Variants in RDH11 observed in about 807,000 individuals in gnomAD.
RDH11 encodes HCV core-binding protein HCBP12.
A neutral mutation model predicts 33.4 loss-of-function variants in RDH11; 19 were observed. The ratio of observed to expected loss-of-function variants is 0.57; its 90% CI spans 0.40 to 0.83. RDH11 has a LOEUF of 0.83. Among genes scored for constraint, RDH11 ranks in the 40% least tolerant of loss-of-function variants. The pLI is 0.00. For missense variants in RDH11, 353 were observed against 389.0 expected (o/e 0.91, Z 0.78); for synonymous variants, 154 against 155.3 (o/e 0.99, Z 0.06).
chr14:67,687,999 C>T (rs964535343), intron 5 of RDH11, among the ~76,000 whole-genome samples: 1 of 152,092 alleles, frequency 6.6e-6, no homozygotes, highest in African/African-American at 2.4e-5. Flanking sequence ...TCTCGAACTC[C>T]TGACCTCAGG....
At chr14:67,692,627 C>T (rs780543430) in intron 2 of RDH11, 34 bp from the exon 3 acceptor site, 6 of 1,517,378 alleles carry the variant, frequency 4.0e-6, no homozygotes, top group Non-Finnish European at 5.3e-6. Context: ...AAATGGTCAG[C>T]TCTGTTTTTG....
Position 67,678,264 on chromosome 14 carries a change from C to G in RDH11, c.*57G>C. ...AAACCTTGAAGGAGAATCATTTTGA[C>G]AAGAAGTACTGTGTAGTCTGCTGCA... On this transcript the variant is annotated 3_prime_UTR_variant, in exon 7 of 7. Transcript: ENST00000381346. The G allele has an allele frequency of 8.9e-7, 1 of 1,117,954 alleles. No individual in the cohort carries two copies. The highest frequency in any genetic ancestry group is 2.4e-5 in the East Asian group (1 of 42,212). 69.3% of individuals were successfully genotyped at this position (1,117,954 alleles called of 1,614,324 possible). A position where few individuals can be genotyped will look rare whatever the true frequency, so the allele number is the denominator to read the frequency against.
At position 67,678,321 on chromosome 14, in the gene RDH11, T is replaced by G. The variant is rs2037569598; in HGVS notation, c.957A>C (p.Ter319TyrextTer22). The change falls in exon 7 of 7, where the codon TAA becomes TAC. Residue 319 changes from the stop codon to tyrosine, a stop_lost. Coordinates refer to ENST00000381346, the MANE Select transcript of RDH11 (RefSeq NM_016026.4). ...TCTTGGGTCCAACTGGCACTGCCTGTTAGTCTATTGGGAGGCCCAGCAGGT... is the reference window on the plus strand; with the variant it reads ...TCTTGGGTCCAACTGGCACTGCCTGGTAGTCTATTGGGAGGCCCAGCAGGT... Reference protein sequence around the residue: ...SCDLLGLPID* With the variant: ...SCDLLGLPIDY 1 of 1,598,490 alleles carries G rather than the reference T, an allele frequency of 6.3e-7. No homozygotes were observed. Among genetic ancestry groups the G allele is most frequent in the Non-Finnish European group, 8.6e-7 (1 of 1,165,878 alleles).
intron 5 of RDH11, among the ~76,000 whole-genome samples, chr14:67,686,468 G>A (rs913948867): frequency 5.9e-5 from 9 of 151,898 alleles, no homozygotes; most frequent in Non-Finnish European, 1.2e-4. Context: ...GTGAAACCCC[G>A]TCTCTACTAA....
At position 67,692,579 on chromosome 14, in the gene RDH11, A is replaced by G. The variant is rs752899978; in HGVS notation, c.208T>C (p.Leu70=). 5 of 1,587,672 alleles carry G rather than the reference A, an allele frequency of 3.1e-6. No homozygotes were observed. Among genetic ancestry groups the G allele is most frequent in the Non-Finnish European group, 4.3e-6 (5 of 1,168,602 alleles). Residue 70 remains leucine, a synonymous_variant, in exon 3 of 7, where the codon TTA becomes CTA. Transcript: ENST00000381346. ...ELAQRGARVY[L]ACRDVEKGEL... ...CCCTTTTCCACATCCCGGCAAGCTA[A>G]ATATACTCGAGCTCCTGTCAGCCAA...
intron 6 of RDH11, among the ~76,000 whole-genome samples, chr14:67,680,964 A>G (rs780129716): frequency 6.6e-6 from 1 of 152,208 alleles, no homozygotes; most frequent in Non-Finnish European, 1.5e-5. Context: ...ATAAACCCTT[A>G]TATTTATGGT....
intron 5 of RDH11, among the ~76,000 whole-genome samples, chr14:67,686,495 C>A (rs747529844): frequency 7.9e-5 from 12 of 151,960 alleles, no homozygotes; most frequent in Non-Finnish European, 1.6e-4. Context: ...AAAAATTGGC[C>A]GGGCATGGTG....
chr14:67,684,685 C>T (rs2037654620), intron 6 of RDH11: 1 of 166,680 alleles, frequency 6.0e-6, no homozygotes, highest in African/African-American at 2.4e-5. Flanking sequence ...AGCCACTGCG[C>T]CTGGCCTCAA....
rs113950753 is a variant in RDH11, at chr14:67,678,357, G to A, written c.921C>T (p.Asp307=). 2.8e-4 allele frequency: 445 copies of A among 1,614,000 alleles called. 3 individuals are homozygous for A. The African/African-American group carries it at 5.1e-3, about 19-fold the overall frequency. The change falls in exon 7 of 7, where the codon GAC becomes GAT. Residue 307 remains aspartate (D), a synonymous_variant. Coordinates refer to ENST00000381346, the MANE Select transcript of RDH11 (RefSeq NM_016026.4). ...GGAGGCCCAGCAGGTCACAACTGAC[G>A]TCCCACAGCCGCCTTGCTATAGTCT... is the stretch of plus-strand genomic sequence containing the variant. ...RNETIARRLW[D]VSCDLLGLPI...
intron 6 of RDH11, among the ~76,000 whole-genome samples, chr14:67,684,111 C>T (rs557926549): frequency 6.6e-6 from 1 of 152,282 alleles, no homozygotes; most frequent in East Asian, 1.9e-4. Flanking sequence ...ATTATTCATT[C>T]ATGAAACAAA....
intron 1 of RDH11, 60 bp downstream of exon 1, chr14:67,695,568 CTA>C (rs2140090464): frequency 1.3e-6 from 2 of 1,518,562 alleles, no homozygotes; most frequent in Non-Finnish European, 1.8e-6. Context: ...GGTGGGGATT[CTA>C]TGTTTCCCTC....
chr14:67,684,978 A>G (rs1377531076), intron 6 of RDH11, 37 bp downstream of exon 6: 1 of 1,549,890 alleles, frequency 6.5e-7, no homozygotes, highest in East Asian at 2.3e-5. Context: ...TCCTTTGAGC[A>G]ATAAATCTCA....
At position 67,692,546 on chromosome 14, in the gene RDH11, C is replaced by G. The variant is rs773799552; in HGVS notation, c.241G>C (p.Val81Leu). 6.2e-7 allele frequency: 1 copy of G among 1,609,806 alleles called. No individual in the cohort carries two copies. Among genetic ancestry groups the G allele is most frequent in the Non-Finnish European group, 8.5e-7 (1 of 1,178,470 alleles). ...ACRDVEKGEL[V>L]AKEIQTTTGN... ...GTCGTGGTCTGGATCTCTTTGGCCA[C>G]CAATTCCCCCTTTTCCACATCCCGG... The change falls in exon 3 of 7, where the codon GTG (valine) becomes CTG (leucine). Residue 81 changes from valine (V) to leucine (L), a missense_variant. Coordinates refer to ENST00000381346, the MANE Select transcript of RDH11 (RefSeq NM_016026.4).
At chr14:67,689,760 A>G (rs566849240) in intron 5 of RDH11, among the ~76,000 whole-genome samples, 1 of 152,176 alleles carries the variant, frequency 6.6e-6, no homozygotes, top group Non-Finnish European at 1.5e-5. Context: ...CCTGACCAAC[A>G]TGGTGAAATC....
At chr14:67,695,260 A>G (rs1198120886) in intron 1 of RDH11, among the ~76,000 whole-genome samples, 1 of 152,208 alleles carries the variant, frequency 6.6e-6, no homozygotes, top group Admixed American at 6.5e-5. Flanking sequence ...GGCTGGTTTA[A>G]GGCGTGGGGA....
chr14:67,687,466 CCTTT>C (rs779537463), intron 5 of RDH11, among the ~76,000 whole-genome samples: 20 of 116,704 alleles, frequency 1.7e-4, no homozygotes, highest in Admixed American at 4.2e-4. Flanking sequence ...CCTCCATATT[CCTTT>C]TTTTTTTTTT....
intron 5 of RDH11, among the ~76,000 whole-genome samples, chr14:67,687,846 T>A (rs1214972340): frequency 1.3e-5 from 2 of 151,172 alleles, no homozygotes; most frequent in East Asian, 3.9e-4. Flanking sequence ...TGATCTTGGC[T>A]CACTGCAAAC....
intron 1 of RDH11, 130 bp downstream of exon 1, chr14:67,695,500 C>A (rs1193391509): frequency 1.2e-6 from 1 of 868,556 alleles, no homozygotes; most frequent in African/African-American, 1.7e-5. Context: ...TCCAACCCAC[C>A]GAACTCTGGG....
chr14:67,685,283 T>C, intron 5 of RDH11, 79 bp from the exon 6 acceptor site: 6 of 1,189,540 alleles, frequency 5.0e-6, no homozygotes, highest in Non-Finnish European at 7.2e-6. Context: ...AGGATGTAAA[T>C]AAGCATGTGA....
Sources: gnomAD v4.1 joint callset for allele counts (sites outside exome capture counted in the v4.1 genomes callset) on GRCh38, gnomAD v4.1.1 for gene constraint, MANE v1.5 for transcripts, NCBI Gene and HGNC (gene_info 2026-07-23, HGNC 2026-07-21) for gene names.